ROBO2: variants seen among roughly 807,000 people sequenced by gnomAD.
ROBO2 encodes the protein roundabout guidance receptor 2.
ROBO2 carries 53 observed loss-of-function variants against 160.8 expected under a neutral mutation model. That is an observed-to-expected ratio of 0.33 (90% CI 0.26 to 0.41). ROBO2 has a LOEUF of 0.41. Ranked by LOEUF, ROBO2 falls within the 10% of genes least tolerant of loss-of-function variation. The probability of loss-of-function intolerance (pLI) is 1.00; values close to 1 mark genes in which losing one functional copy is unlikely to be tolerated. For missense variants in ROBO2, 1,577 were observed against 1,722.4 expected (o/e 0.92, Z 1.49); for synonymous variants, 664 against 611.7 (o/e 1.09, Z -1.26).
At chr3:77,226,950 G>A (rs57900567) in intron 2 of ROBO2, among the ~76,000 whole-genome samples, 172 of 152,242 alleles carry the variant, frequency 1.1e-3, no homozygotes, top group African/African-American at 3.9e-3. Context: ...AAAAGTAGTG[G>A]TTGCTGACCA....
At chr3:76,029,646 T>C (rs2066855217) in intron 2 of ROBO2, among the ~76,000 whole-genome samples, 1 of 152,164 alleles carries the variant, frequency 6.6e-6, no homozygotes, top group African/African-American at 2.4e-5. Flanking sequence ...GACAGTTTGC[T>C]CAGAATGATG....
chr3:77,017,949 G>A (rs758378923), intron 2 of ROBO2, among the ~76,000 whole-genome samples: 46 of 152,140 alleles, frequency 3.0e-4, no homozygotes, highest in Non-Finnish European at 3.5e-4. Flanking sequence ...CATGCTTGGC[G>A]TTCCAATAAT....
intron 2 of ROBO2, among the ~76,000 whole-genome samples, chr3:76,855,425 C>A (rs1018857876): frequency 2.0e-5 from 3 of 152,118 alleles, no homozygotes; most frequent in Non-Finnish European, 4.4e-5. Flanking sequence ...GGAGAGGGTG[C>A]CGCTAATGGA....
intron 2 of ROBO2, among the ~76,000 whole-genome samples, chr3:76,355,317 A>G (rs1408194529): frequency 2.6e-5 from 4 of 151,816 alleles, no homozygotes; most frequent in African/African-American, 9.7e-5. Flanking sequence ...GTGCCTGACA[A>G]TAGCTAAGAG....
intron 2 of ROBO2, among the ~76,000 whole-genome samples, chr3:76,257,803 TTATTA>T (rs1213641559): frequency 6.6e-6 from 1 of 152,170 alleles, no homozygotes; most frequent in Non-Finnish European, 1.5e-5. Context: ...TTTCTCTCAC[TTATTA>T]TATCAGTGCA....
In ROBO2 at chr3:77,262,132, A is replaced by G. The variant is rs181626895; in HGVS notation, c.388+163792A>G. Among the ~76,000 whole-genome samples, 23 of 152,318 alleles carry G rather than the reference A, an allele frequency of 1.5e-4. No homozygotes were observed. The East Asian group carries it at 4.3e-3, about 28-fold the overall frequency. ...CTTCACAAAACTATTATAGTTGGACACAAATATATCAACAACTCCATCATT... is the reference window on the plus strand; with the variant it reads ...CTTCACAAAACTATTATAGTTGGACGCAAATATATCAACAACTCCATCATT... On this transcript the variant is annotated intron_variant, in intron 2 of 25. Transcript: ENST00000461745.
At chr3:77,427,949 C>A (rs1450382993) in intron 2 of ROBO2, among the ~76,000 whole-genome samples, 2 of 152,106 alleles carry the variant, frequency 1.3e-5, no homozygotes, top group Non-Finnish European at 2.9e-5. Flanking sequence ...CAACCATTAG[C>A]CATTTCTTTT....
At chr3:76,858,661 CCAGA>C (rs1250970413) in intron 2 of ROBO2, among the ~76,000 whole-genome samples, 2 of 152,184 alleles carry the variant, frequency 1.3e-5, no homozygotes, top group South Asian at 2.1e-4. Flanking sequence ...CCCTGCCCAG[CCAGA>C]CAGAGAAGTT....
At chr3:76,453,456 G>T (rs3849494) in intron 2 of ROBO2, among the ~76,000 whole-genome samples, 60 of 152,012 alleles carry the variant, frequency 3.9e-4, no homozygotes, top group Non-Finnish European at 7.5e-4. Flanking sequence ...TTGCTTGTTT[G>T]TCTCAGGTTT....
intron 2 of ROBO2, chr3:76,434,675 G>A: frequency 2.6e-6 from 3 of 1,165,226 alleles, no homozygotes; most frequent in South Asian, 1.2e-5. Flanking sequence ...ACCCTCTGCT[G>A]GATCAGGTCC....
rs578030227 is a variant in ROBO2 at position 75,946,544 on chromosome 3, A to G, written c.109+8942A>G. On this transcript the variant is annotated intron_variant, in intron 2 of 26. Coordinates refer to the ROBO2 transcript ENST00000487694. The stretch of plus-strand genomic sequence containing the variant: ...GTAACATGGTTGAGTAAAACTGGCA[A>G]GTAGGAAGGCACTGATCTGGCTATA... Among the ~76,000 whole-genome samples, 71 of 152,240 alleles carry G rather than the reference A, an allele frequency of 4.7e-4. No homozygotes were observed. In the South Asian group the frequency reaches 7.3e-3, roughly 16 times the overall value.
At chr3:76,366,160 C>T (rs1356226559) in intron 2 of ROBO2, among the ~76,000 whole-genome samples, 3 of 152,112 alleles carry the variant, frequency 2.0e-5, no homozygotes, top group Admixed American at 6.6e-5. Context: ...ATGGCTAATT[C>T]GCTCATTTCA....
intron 2 of ROBO2, among the ~76,000 whole-genome samples, chr3:76,415,043 G>T (rs1407335491): frequency 6.6e-6 from 1 of 152,142 alleles, no homozygotes; most frequent in Admixed American, 6.5e-5. Context: ...AAGACGAAAA[G>T]ACCTCTTATT....
intron 2 of ROBO2, among the ~76,000 whole-genome samples, chr3:77,166,767 GC>G (rs1371185082): frequency 6.6e-6 from 1 of 152,040 alleles, no homozygotes; most frequent in African/African-American, 2.4e-5. Context: ...TCACCGGTTA[GC>G]CAGGATGGTC....
At chr3:76,989,143 A>G (rs1488440553) in intron 2 of ROBO2, among the ~76,000 whole-genome samples, 1 of 152,150 alleles carries the variant, frequency 6.6e-6, no homozygotes, top group Non-Finnish European at 1.5e-5. Flanking sequence ...GAAGAAACTC[A>G]TTTAACATGA....
chr3:77,003,712 G>A (rs1451786535), intron 2 of ROBO2, among the ~76,000 whole-genome samples: 1 of 151,984 alleles, frequency 6.6e-6, no homozygotes, highest in African/African-American at 2.4e-5. Context: ...ACCACACCCG[G>A]CTAATTTTTG....
chr3:76,971,019 A>G (rs1358996726), intron 2 of ROBO2, among the ~76,000 whole-genome samples: 2 of 152,192 alleles, frequency 1.3e-5, no homozygotes, highest in African/African-American at 2.4e-5. Flanking sequence ...ATTCAAGTTC[A>G]TATCTGTCTG....
In ROBO2 at chr3:76,287,589, C is replaced by T. The variant is rs147183885; in HGVS notation, c.109+349987C>T. 2.8e-3 allele frequency among the ~76,000 whole-genome samples: 420 copies of T among 152,202 alleles called. 2 individuals carry two copies. The highest frequency in any genetic ancestry group is 9.7e-3 in the African/African-American group (402 of 41,454). ...TGCCTGGATTACAGGCATGAGCCGCCGTGCCCGGCCCTTTTCTTAAGTGAT... is the reference window on the plus strand; with the variant it reads ...TGCCTGGATTACAGGCATGAGCCGCTGTGCCCGGCCCTTTTCTTAAGTGAT... On this transcript the variant is annotated intron_variant, in intron 2 of 26. Coordinates refer to the ROBO2 transcript ENST00000487694.
intron 2 of ROBO2, among the ~76,000 whole-genome samples, chr3:77,201,801 CA>C (rs1467298476): frequency 6.6e-6 from 1 of 152,098 alleles, no homozygotes; most frequent in East Asian, 1.9e-4. Flanking sequence ...GGAAAAAACA[CA>C]AAAAACTAGA....
Sources: gnomAD v4.1 joint callset for allele counts (sites outside exome capture counted in the v4.1 genomes callset) on GRCh38, gnomAD v4.1.1 for gene constraint, MANE v1.5 for transcripts, NCBI Gene and HGNC (gene_info 2026-07-23, HGNC 2026-07-21) for gene names.